TRPM8: variants seen among roughly 807,000 people sequenced by gnomAD.
The protein encoded by TRPM8 is TRPM8 cationic channel.
Under a neutral mutation model 133.7 loss-of-function variants are expected in TRPM8, and 110 were observed. The observed-to-expected ratio is 0.82, with a 90% CI of 0.70 to 0.96. The LOEUF is 0.96. TRPM8 is among the 40% of genes least tolerant of loss of function. The pLI is 0.00. For missense variants in TRPM8, 1,291 were observed against 1,379.5 expected, an observed-to-expected ratio of 0.94 and a Z score of 1.02; for synonymous variants, 535 against 532.3, an observed-to-expected ratio of 1.01 and a Z score of -0.07.
At chr2:233,994,343 T>C (rs1184614760) in intron 21 of TRPM8, among the ~76,000 whole-genome samples, 1 of 152,216 alleles carries the variant, frequency 6.6e-6, no homozygotes, top group African/African-American at 2.4e-5. Context: ...GGCTGGCTGC[T>C]AGATTTGACT....
intron 9 of TRPM8, among the ~76,000 whole-genome samples, chr2:233,951,192 T>TG (rs1691165188): frequency 6.6e-6 from 1 of 152,118 alleles, no homozygotes. Context: ...ATGGAGCCAT[T>TG]GCACTCTAGT....
At chr2:233,921,518 C>T (rs1228647327) in intron 1 of TRPM8, among the ~76,000 whole-genome samples, 1 of 152,082 alleles carries the variant, frequency 6.6e-6, no homozygotes, top group Non-Finnish European at 1.5e-5. Flanking sequence ...GGGCCGCCAT[C>T]CAGACAGCAG....
chr2:233,982,099 A>C (rs979418008), intron 19 of TRPM8, among the ~76,000 whole-genome samples, 184 bp downstream of exon 19: 2 of 152,228 alleles, frequency 1.3e-5, no homozygotes, highest in Admixed American at 6.5e-5. Context: ...GATGGTTGTG[A>C]GGGCAAACAG....
chr2:234,018,878 A>AAATAAATT lies in TRPM8; in HGVS notation c.*1626_*1627insAATTAATA, dbSNP rs1693025084. On this transcript the variant is annotated 3_prime_UTR_variant, in exon 26 of 26. Transcript: ENST00000324695. ...TAAATAAATAAATAAATAAATAAAT[A>AAATAAATT]AATATTATGGATGGTGAAGGGAATG... 6.7e-6 allele frequency: 1 copy of AAATAAATT among 150,328 alleles called. No homozygotes were observed. Among genetic ancestry groups the AAATAAATT allele is most frequent in the Non-Finnish European group, 1.5e-5 (1 of 67,838 alleles). 9.3% of individuals were successfully genotyped at this position (150,328 alleles called of 1,614,324 possible).
chr2:234,004,614 T>A (rs1270686235), intron 22 of TRPM8, among the ~76,000 whole-genome samples: 1 of 152,240 alleles, frequency 6.6e-6, no homozygotes, highest in East Asian at 1.9e-4. Context: ...TTTGGTGACA[T>A]CTTCAAGTAA....
At chr2:233,941,861 A>G (rs572328865) in intron 5 of TRPM8, among the ~76,000 whole-genome samples, 4 of 152,294 alleles carry the variant, frequency 2.6e-5, no homozygotes, top group African/African-American at 9.6e-5. Context: ...AAGCCATCCA[A>G]GGAAGATTCA....
chr2:233,922,345 T>G (rs1344130604), intron 1 of TRPM8, among the ~76,000 whole-genome samples: 3 of 152,218 alleles, frequency 2.0e-5, no homozygotes, highest in Admixed American at 6.5e-5. Context: ...GTTTAGGGCA[T>G]GATTTCTAGT....
At chr2:233,959,944 ATTTTT>A (rs536486454) in intron 11 of TRPM8, among the ~76,000 whole-genome samples, 4 of 134,914 alleles carry the variant, frequency 3.0e-5, no homozygotes, top group African/African-American at 1.1e-4. Flanking sequence ...ACCACACCTA[ATTTTT>A]TTTTTTTTTT....
At chr2:233,974,114 A>G (rs1574746973) in intron 17 of TRPM8, among the ~76,000 whole-genome samples, 1 of 151,482 alleles carries the variant, frequency 6.6e-6, no homozygotes, top group Non-Finnish European at 1.5e-5. Context: ...GTGTCCCAAC[A>G]CCCCCTACCT....
intron 11 of TRPM8, among the ~76,000 whole-genome samples, chr2:233,958,721 T>A (rs545628897): frequency 2.6e-4 from 39 of 152,310 alleles, no homozygotes; most frequent in African/African-American, 8.9e-4. Flanking sequence ...TGAGCTCTGC[T>A]GCATCCACAA....
intron 17 of TRPM8, among the ~76,000 whole-genome samples, chr2:233,972,840 C>G (rs899652496): frequency 1.3e-5 from 2 of 152,210 alleles, no homozygotes; most frequent in Non-Finnish European, 2.9e-5. Context: ...GGTTCCCGCT[C>G]ACGCCACTCC....
At chr2:233,980,573 G>A (rs1415273822) in intron 18 of TRPM8, among the ~76,000 whole-genome samples, 1 of 152,058 alleles carries the variant, frequency 6.6e-6, no homozygotes, top group Admixed American at 6.6e-5. Flanking sequence ...TCATCATGTT[G>A]TCCAGGCTGG....
In TRPM8 at chr2:233,926,667, C is replaced by T; in HGVS notation, c.117+13C>T. ...TTACAGTGAAAGCGTAAGTCATGCG[C>T]ATCACCTGTTTGAAAGGTTATCATT... On this transcript the variant is annotated intron_variant, in intron 2 of 25. Coordinates refer to ENST00000324695, the MANE Select transcript of TRPM8 (RefSeq NM_024080.5). The T allele has an allele frequency of 6.3e-7, 1 of 1,589,744 alleles. No individual in the cohort carries two copies. Among genetic ancestry groups the T allele is most frequent in the Non-Finnish European group, 8.6e-7 (1 of 1,157,844 alleles).
In TRPM8 at chr2:233,955,310, T is replaced by A. The variant is rs1205047464; in HGVS notation, c.1362+60T>A. ...TGGGTCTGGACAGTGGTCTGGGCAATGTCTGATCCATTTCCAACAAGGTCT... is the reference window on the plus strand; with the variant it reads ...TGGGTCTGGACAGTGGTCTGGGCAAAGTCTGATCCATTTCCAACAAGGTCT... On this transcript the variant is annotated intron_variant, in intron 11 of 25. Coordinates refer to ENST00000324695, the MANE Select transcript of TRPM8 (RefSeq NM_024080.5). 7 of 1,249,302 alleles carry A rather than the reference T, an allele frequency of 5.6e-6. No homozygotes were observed. The African/African-American group carries it at 1.0e-4, about 19-fold the overall frequency. The allele number at this position is 1,249,302 out of a possible 1,614,324, so 77.4% of individuals were successfully genotyped here.
intron 21 of TRPM8, among the ~76,000 whole-genome samples, chr2:233,993,191 C>G (rs181550182): frequency 1.5e-4 from 23 of 152,290 alleles, no homozygotes; most frequent in African/African-American, 5.5e-4. Context: ...ATTCACACCC[C>G]CTGGGATGCC....
chr2:234,017,477 T>TGTGTTTCTCCAGAATGGTGC lies in TRPM8; in HGVS notation c.*222_*241dup. The TGTGTTTCTCCAGAATGGTGC allele has an allele frequency of 2.3e-6, 1 of 426,878 alleles. No homozygotes were observed. Among genetic ancestry groups the TGTGTTTCTCCAGAATGGTGC allele is most frequent in the South Asian group, 1.7e-5 (1 of 57,758 alleles). 26.4% of individuals were successfully genotyped at this position (426,878 alleles called of 1,614,324 possible). On this transcript the variant is annotated 3_prime_UTR_variant, in exon 26 of 26. Coordinates refer to ENST00000324695, the MANE Select transcript of TRPM8 (RefSeq NM_024080.5). ...ATATAAAGGAAGAATATTTCCTTTA[T>TGTGTTTCTCCAGAATGGTGC]GTGTTTCTCCAGAATGGTGCCTGTT...
At position 234,017,785 on chromosome 2, in the gene TRPM8, C is replaced by A; in HGVS notation, c.*529C>A. On this transcript the variant is annotated 3_prime_UTR_variant, in exon 26 of 26. Coordinates refer to ENST00000324695, the MANE Select transcript of TRPM8 (RefSeq NM_024080.5). Reference sequence around the variant, plus strand: ...TAAAACATGCTGCAGCAAGAGGACCCCGCTCTCTTCAGGAAAAGTGTTTTC... The same window carrying A: ...TAAAACATGCTGCAGCAAGAGGACCACGCTCTCTTCAGGAAAAGTGTTTTC... 1 of 159,034 alleles carries A rather than the reference C, an allele frequency of 6.3e-6. No individual in the cohort carries two copies. Among genetic ancestry groups the A allele is most frequent in the Non-Finnish European group, 1.4e-5 (1 of 72,870 alleles). The allele number at this position is 159,034 out of a possible 1,614,324, so 9.9% of individuals were successfully genotyped here.
At chr2:233,971,605 C>G (rs1012626991) in intron 17 of TRPM8, among the ~76,000 whole-genome samples, 3 of 152,016 alleles carry the variant, frequency 2.0e-5, no homozygotes, top group African/African-American at 4.8e-5. Flanking sequence ...AGCCGCGGAC[C>G]CTTGCGGTGA....
chr2:233,948,185 T>C (rs1048688911), intron 8 of TRPM8, among the ~76,000 whole-genome samples: 2 of 152,258 alleles, frequency 1.3e-5, no homozygotes, highest in Admixed American at 1.3e-4. Context: ...CTAGTACTTC[T>C]CATTATTCTT....
Sources: gnomAD v4.1 joint callset for allele counts (sites outside exome capture counted in the v4.1 genomes callset) on GRCh38, gnomAD v4.1.1 for gene constraint, MANE v1.5 for transcripts, NCBI Gene and HGNC (gene_info 2026-07-23, HGNC 2026-07-21) for gene names.